ANAPC2: variants seen among roughly 807,000 people sequenced by gnomAD.
The protein encoded by ANAPC2 is anaphase-promoting complex subunit 2.
A neutral mutation model predicts 84.3 loss-of-function variants in ANAPC2; 29 were observed. That is an observed-to-expected ratio of 0.34 (90% CI 0.26 to 0.47). ANAPC2 has a LOEUF of 0.47. ANAPC2 is among the 20% of genes least tolerant of loss of function. ANAPC2 has a pLI of 1.00. For missense variants in ANAPC2, 857 were observed against 1,131.7 expected (o/e 0.76, Z 3.48); for synonymous variants, 571 against 479.4 (o/e 1.19, Z -2.50).
At position 137,183,856 on chromosome 9, in the gene ANAPC2, G is replaced by A; in HGVS notation, c.1049-65C>T. 3.8e-6 allele frequency: 6 copies of A among 1,587,094 alleles called. No individual in the cohort carries two copies. In the South Asian group the frequency reaches 6.8e-5, roughly 18 times the overall value. On this transcript the variant is annotated intron_variant, in intron 4 of 12. Coordinates refer to ENST00000323927, the MANE Select transcript of ANAPC2 (RefSeq NM_013366.4). ...GCGTGCGCACGTGCAGGCTGGTGCAGAGTGTGTGCGGTGTGGGAAAGGACA... is the reference window on the plus strand; with the variant it reads ...GCGTGCGCACGTGCAGGCTGGTGCAAAGTGTGTGCGGTGTGGGAAAGGACA...
intron 4 of ANAPC2, 111 bp downstream of exon 4, chr9:137,184,802 G>C (rs756556083): frequency 1.7e-4 from 235 of 1,380,290 alleles, no homozygotes; most frequent in Non-Finnish European, 2.2e-4. Flanking sequence ...ACACAGAGCA[G>C]ACACGGTGAA....
chr9:137,181,400 G>A (rs1208320305), intron 7 of ANAPC2, among the ~76,000 whole-genome samples: 1 of 152,202 alleles, frequency 6.6e-6, no homozygotes, highest in Non-Finnish European at 1.5e-5. Flanking sequence ...CCTCTGCCAG[G>A]TGCAGTGGCG....
At position 137,180,348 on chromosome 9, in the gene ANAPC2, G is replaced by A. The variant is rs767628583; in HGVS notation, c.1723C>T (p.Arg575Trp). Reference protein sequence around the residue: ...ADSRRINANIREEDEKRPAEE... With the variant: ...ADSRRINANIWEEDEKRPAEE... ...GCTGGCCGCTTCTCATCCTCCTCCC[G>A]GATGTTGGCATTGATGCGGCGGGAG... Residue 575 changes from arginine to tryptophan, a missense_variant, in exon 10 of 13, where the codon CGG becomes TGG. Arg to Trp is a moderately radical substitution (Grantham distance 101). Transcript: ENST00000323927. 4 of 1,613,004 alleles carry A rather than the reference G, an allele frequency of 2.5e-6. No homozygotes were observed. Among genetic ancestry groups the A allele is most frequent in the Admixed American group, 1.7e-5 (1 of 60,012 alleles).
chr9:137,180,618 A>G, intron 8 of ANAPC2, 91 bp from the exon 9 acceptor site: 1 of 1,586,376 alleles, frequency 6.3e-7, no homozygotes. Flanking sequence ...CCCCAGGCAG[A>G]GCAGGGAGCC....
At chr9:137,179,993 T>C (rs533851322) in intron 10 of ANAPC2, among the ~76,000 whole-genome samples, 188 bp downstream of exon 10, 68 of 152,206 alleles carry the variant, frequency 4.5e-4, no homozygotes, top group Non-Finnish European at 7.6e-4. Context: ...GACACGGGGT[T>C]GCTGGGAGGA....
At position 137,175,601 on chromosome 9, in the gene ANAPC2, G is replaced by A. The variant is rs1055548936; in HGVS notation, c.2020+107C>T. ...TGCCCGTGGGAAAGGGAAGGGTGCC[G>A]CCTGCTGGCGCAGCTGCCCCAAACC... On this transcript the variant is annotated intron_variant, in intron 11 of 12. Transcript: ENST00000323927. The A allele has an allele frequency of 8.8e-5, 132 of 1,497,066 alleles. 1 individual carries two copies. The highest frequency in any genetic ancestry group is 1.1e-4 in the Non-Finnish European group (121 of 1,116,170). 92.7% of individuals were successfully genotyped at this position (1,497,066 alleles called of 1,614,324 possible). A position where few individuals can be genotyped will look rare whatever the true frequency, so the allele number is the denominator to read the frequency against.
In ANAPC2 at chr9:137,188,075, G is replaced by A. The variant is rs1834516664; in HGVS notation, c.146C>T (p.Pro49Leu). The change falls in exon 2 of 13, where the codon CCG becomes CTG. Residue 49 changes from proline to leucine, a missense_variant. Coordinates refer to ENST00000323927, the MANE Select transcript of ANAPC2 (RefSeq NM_013366.4). ...CGCCCGGAGCTCCTCTTCCTTTGGC[G>A]GGACTGCACCGCTGGTCCGGGAAGA... ...LVSSRTSGAV[P>L]PKEEELRAAV... 5 of 1,612,796 alleles carry A rather than the reference G, an allele frequency of 3.1e-6. No homozygotes were observed. The highest frequency in any genetic ancestry group is 4.2e-6 in the Non-Finnish European group (5 of 1,179,870).
chr9:137,185,035 G>T lies in ANAPC2; in HGVS notation c.926C>A (p.Pro309His), dbSNP rs1339113161. The change falls in exon 4 of 13, where the codon CCC becomes CAC. Residue 309 changes from proline to histidine, a missense_variant. Around this residue, in one of 3 missense-constraint regions of ANAPC2, gnomAD observed 428 missense variants for 513.8 expected, o/e 0.83. Coordinates refer to ENST00000323927, the MANE Select transcript of ANAPC2 (RefSeq NM_013366.4). Reference sequence around the variant, plus strand: ...GGCCTCGGGAGATGCGGGCCTGGCGGGGCCGTCCTGCAGGAACACCTTGCC... The same window carrying T: ...GGCCTCGGGAGATGCGGGCCTGGCGTGGCCGTCCTGCAGGAACACCTTGCC... ...WLGKVFLQDG[P>H]ARPASPEAGN... The T allele has an allele frequency of 6.3e-7, 1 of 1,582,036 alleles. No individual in the cohort carries two copies. The highest frequency in any genetic ancestry group is 1.1e-5 in the South Asian group (1 of 87,178).
intron 10 of ANAPC2, among the ~76,000 whole-genome samples, chr9:137,178,843 G>A (rs753727852): frequency 9.9e-5 from 15 of 152,196 alleles, no homozygotes; most frequent in African/African-American, 2.4e-4. Flanking sequence ...TTGGCCTCCT[G>A]CCCTGGGGGC....
chr9:137,182,119 G>A (rs1449792517), intron 6 of ANAPC2, among the ~76,000 whole-genome samples: 1 of 152,210 alleles, frequency 6.6e-6, no homozygotes, highest in African/African-American at 2.4e-5. Flanking sequence ...GGGACACTAA[G>A]CCAGAAGACC....
chr9:137,176,133 A>G, intron 10 of ANAPC2: 1 of 303,226 alleles, frequency 3.3e-6, no homozygotes, highest in Non-Finnish European at 6.2e-6. Flanking sequence ...TGCAGATGTA[A>G]CTGAGGTGCA....
At chr9:137,186,984 T>C in intron 2 of ANAPC2, 1 of 172,474 alleles carries the variant, frequency 5.8e-6, no homozygotes, top group South Asian at 1.4e-4. Flanking sequence ...GCCAAGGGTA[T>C]GACAATTGCT....
intron 8 of ANAPC2, 52 bp downstream of exon 8, chr9:137,180,736 T>C: frequency 6.3e-7 from 1 of 1,592,832 alleles, no homozygotes; most frequent in Non-Finnish European, 8.5e-7. Flanking sequence ...CGAGAGAGGC[T>C]GGGCAAAGGC....
rs372115923 is a variant in ANAPC2 at position 137,175,279 on chromosome 9, G to A, written c.2214C>T (p.Ser738=). 3.7e-5 allele frequency: 59 copies of A among 1,612,504 alleles called. No individual in the cohort carries two copies. The highest frequency in any genetic ancestry group is 1.6e-4 in the African/African-American group (12 of 74,932). Residue 738 remains serine (S), a synonymous_variant, in exon 12 of 13, where the codon TCC becomes TCT. Coordinates refer to ENST00000323927, the MANE Select transcript of ANAPC2 (RefSeq NM_013366.4). The part of the protein sequence containing the change: ...VLIDSDDESD[S]GMASQADQKE... ...TCTGGTCGGCCTGGGAGGCCATGCC[G>A]GAGTCGCTCTCGTCGTCACTGTCAA...
chr9:137,187,195 G>T (rs150665223), intron 2 of ANAPC2: 92 of 441,436 alleles, frequency 2.1e-4, no homozygotes, highest in African/African-American at 1.6e-3. Flanking sequence ...GTGGAATTCT[G>T]CAGAGTCCAG....
chr9:137,179,777 G>A (rs1834301500), intron 10 of ANAPC2, among the ~76,000 whole-genome samples: 3 of 152,224 alleles, frequency 2.0e-5, no homozygotes, highest in Admixed American at 2.0e-4. Context: ...GGGCAGCCCT[G>A]GCTCCCTAGC....
chr9:137,178,560 C>T (rs1010452686), intron 10 of ANAPC2, among the ~76,000 whole-genome samples: 28 of 152,152 alleles, frequency 1.8e-4, no homozygotes, highest in Admixed American at 3.3e-4. Flanking sequence ...GGAAAGGGAC[C>T]GAGCACGGAG....
chr9:137,178,581 C>T lies in ANAPC2; in HGVS notation c.1890+1600G>A, dbSNP rs73668401. ...GGACCGAGCACGGAGCCGGGCCACA[C>T]GGATGATTTGTACCAGAACACAGCG... On this transcript the variant is annotated intron_variant, in intron 10 of 12. Coordinates refer to ENST00000323927, the MANE Select transcript of ANAPC2 (RefSeq NM_013366.4). Among the ~76,000 whole-genome samples the T allele has an allele frequency of 4.0e-3, 609 of 152,296 alleles. 3 individuals are homozygous for T. Among genetic ancestry groups the T allele is most frequent in the African/African-American group, 0.014 (569 of 41,558 alleles).
At position 137,183,145 on chromosome 9, in the gene ANAPC2, C is replaced by A. The variant is rs145461085; in HGVS notation, c.1266G>T (p.Glu422Asp). ...CTCACCTCAGGTAGCGGCGGATAGG[C>A]TCACAGGCCACCTCCAGGATGACCA... Reference protein sequence around the residue: ...PSMVILEVACEPIRRYLRTRE... With the variant: ...PSMVILEVACDPIRRYLRTRE... The change falls in exon 6 of 13, where the codon GAG (glutamate) becomes GAT (aspartate). Residue 422 changes from glutamate to aspartate, a missense_variant. Glu to Asp is a conservative substitution (Grantham distance 45). Coordinates refer to ENST00000323927, the MANE Select transcript of ANAPC2 (RefSeq NM_013366.4). 6.2e-7 allele frequency: 1 copy of A among 1,612,782 alleles called. No homozygotes were observed. Among genetic ancestry groups the A allele is most frequent in the East Asian group, 2.2e-5 (1 of 44,882 alleles).
Sources: allele counts gnomAD v4.1 joint callset (sites outside exome capture counted in the v4.1 genomes callset), GRCh38; gene constraint gnomAD v4.1.1; regional missense constraint gnomAD v4.1.1; transcripts MANE v1.5; gene names NCBI Gene and HGNC (gene_info 2026-07-23, HGNC 2026-07-21).